Variants in PDGFRA observed in about 807,000 individuals in gnomAD.
PDGFRA encodes platelet derived growth factor receptor alpha, also known as platelet-derived growth factor receptor alpha.
A neutral mutation model predicts 121.5 loss-of-function variants in PDGFRA; 25 were observed. The observed-to-expected ratio is 0.21, with a 90% CI of 0.15 to 0.29. The LOEUF (loss-of-function observed/expected upper bound fraction) is 0.29, where lower values mean the gene tolerates loss of function less well. Among genes scored for constraint, PDGFRA ranks in the 10% least tolerant of loss-of-function variants. The probability of loss-of-function intolerance (pLI) is 1.00; values close to 1 mark genes in which losing one functional copy is unlikely to be tolerated. For missense variants in PDGFRA, 1,008 were observed against 1,345.1 expected (o/e 0.75, Z 3.92); for synonymous variants, 463 against 494.8 (o/e 0.94, Z 0.85).
chr4:54,240,027 T>A (rs753126314), intron 1 of PDGFRA: 132 of 421,072 alleles, frequency 3.1e-4, no homozygotes, highest in Non-Finnish European at 5.1e-4. Flanking sequence ...AATTTTGTAT[T>A]TTTTTTGTAG....
intron 1 of PDGFRA, among the ~76,000 whole-genome samples, chr4:54,254,021 AAT>A: frequency 6.6e-6 from 1 of 152,244 alleles, no homozygotes; most frequent in African/African-American, 2.4e-5. Flanking sequence ...TGTTTCTCAG[AAT>A]TTGTGGCTTC....
chr4:54,248,656 G>T (rs934036274), intron 1 of PDGFRA, among the ~76,000 whole-genome samples: 8 of 152,204 alleles, frequency 5.3e-5, no homozygotes, highest in African/African-American at 1.9e-4. Flanking sequence ...ATAGGGCATG[G>T]GCAAGGACTT....
At chr4:54,293,429 C>CTTTTTTTTTTTTTTTTTTTTTTTTTTTT (rs35064429) in intron 22 of PDGFRA, among the ~76,000 whole-genome samples, 1 of 116,146 alleles carries the variant, frequency 8.6e-6, no homozygotes. Flanking sequence ...CCTAGAATTT[C>CTTTTTTTTTTTTTTTTTTTTTTTTTTTT]TTTTTTTTTT....
Position 54,297,818 on chromosome 4 carries a change from A to G in PDGFRA, c.*2546A>G, listed in dbSNP as rs112690644. On this transcript the variant is annotated 3_prime_UTR_variant, in exon 23 of 23. Transcript: ENST00000257290. ...TTTGTGACTTTTTAAACGATTAGTG[A>G]TGTCCTTAAAATGTGGTCTGCCAAT... is the stretch of plus-strand genomic sequence containing the variant. The G allele has an allele frequency of 6.6e-4, 154 of 233,626 alleles. No homozygotes were observed. Among genetic ancestry groups the G allele is most frequent in the African/African-American group, 3.0e-3 (136 of 45,466 alleles). The allele number at this position is 233,626 out of a possible 1,614,324, so 14.5% of individuals were successfully genotyped here.
intron 1 of PDGFRA, among the ~76,000 whole-genome samples, chr4:54,245,116 A>G (rs1262169510): frequency 6.6e-6 from 1 of 152,254 alleles, no homozygotes; most frequent in Non-Finnish European, 1.5e-5. Flanking sequence ...AGTGACGGGG[A>G]GAATGGAACC....
Position 54,285,912 on chromosome 4 carries a change from T to G in PDGFRA, c.2511T>G (p.Phe837Leu). 6.2e-7 allele frequency: 1 copy of G among 1,614,142 alleles called. No individual in the cohort carries two copies. The change falls in exon 18 of 23, where the codon TTT becomes TTG. Residue 837 changes from phenylalanine (F) to leucine (L), a missense_variant. This residue lies in a region of PDGFRA where 40 missense variants were observed against 127.4 expected (regional missense o/e 0.31). Coordinates refer to ENST00000257290, the MANE Select transcript of PDGFRA (RefSeq NM_006206.6). ...AQGKIVKICD[F>L]GLARDIMHDS... ...GAAAAATTGTGAAGATCTGTGACTT[T>G]GGCCTGGCCAGAGACATCATGCATG...
At chr4:54,293,425 ATTTC>A (rs1394482281) in intron 22 of PDGFRA, among the ~76,000 whole-genome samples, 2 of 102,374 alleles carry the variant, frequency 2.0e-5, no homozygotes, top group Non-Finnish European at 4.1e-5. Flanking sequence ...ATTACCTAGA[ATTTC>A]TTTTTTTTTT....
At chr4:54,293,082 T>TA (rs1406646948) in intron 22 of PDGFRA, among the ~76,000 whole-genome samples, 8 of 152,234 alleles carry the variant, frequency 5.3e-5, no homozygotes, top group Non-Finnish European at 1.0e-4. Context: ...GAGATCCAGA[T>TA]AAGAGTCACA....
intron 1 of PDGFRA, among the ~76,000 whole-genome samples, chr4:54,233,064 CT>C (rs1265793944): frequency 6.6e-6 from 1 of 152,124 alleles, no homozygotes; most frequent in Non-Finnish European, 1.5e-5. Flanking sequence ...GCTCTCCCCC[CT>C]CTCTCCACAC....
intron 2 of PDGFRA, among the ~76,000 whole-genome samples, chr4:54,259,587 G>T (rs891702999): frequency 6.6e-6 from 1 of 152,110 alleles, no homozygotes; most frequent in Non-Finnish European, 1.5e-5. Context: ...GCAGATGTTC[G>T]CCATGAAACC....
chr4:54,285,837 G>A lies in PDGFRA; in HGVS notation c.2440-4G>A, dbSNP rs1161020062. 1 of 1,613,890 alleles carries A rather than the reference G, an allele frequency of 6.2e-7. No homozygotes were observed. Among genetic ancestry groups the A allele is most frequent in the Non-Finnish European group, 8.5e-7 (1 of 1,179,964 alleles). On this transcript the variant is annotated splice_polypyrimidine_tract_variant and splice_region_variant and intron_variant, in intron 17 of 22. Coordinates refer to ENST00000257290, the MANE Select transcript of PDGFRA (RefSeq NM_006206.6). ...CCTGAGTCATTTCTTCCTTTTCCAT[G>A]CAGTGTGTCCACCGTGATCTGGCTG...
intron 1 of PDGFRA, among the ~76,000 whole-genome samples, chr4:54,251,719 A>G (rs767060056): frequency 8.5e-5 from 13 of 152,212 alleles, no homozygotes; most frequent in South Asian, 6.2e-4. Context: ...AGGAGCCCCA[A>G]GTTATCTTGG....
chr4:54,267,387 A>T lies in PDGFRA; in HGVS notation c.858A>T (p.Gly286=). The T allele has an allele frequency of 6.2e-7, 1 of 1,614,164 alleles. No individual in the cohort carries two copies. The highest frequency in any genetic ancestry group is 8.5e-7 in the Non-Finnish European group (1 of 1,179,976). ...TVPEATVKDS[G]DYECAARQAT... ...CCGAGGCCACGGTGAAAGACAGTGG[A>T]GATTACGAATGTGCTGCCCGCCAGG... Residue 286 remains glycine, a synonymous_variant, in exon 6 of 23, where the codon GGA becomes GGT. Coordinates refer to ENST00000257290, the MANE Select transcript of PDGFRA (RefSeq NM_006206.6).
chr4:54,283,892 C>T (rs546964555), intron 16 of PDGFRA, among the ~76,000 whole-genome samples: 7 of 152,286 alleles, frequency 4.6e-5, no homozygotes, highest in South Asian at 4.1e-4. Flanking sequence ...TGAGCCACTG[C>T]GCCCAGCCTC....
chr4:54,282,882 G>A (rs1724143801), intron 16 of PDGFRA, among the ~76,000 whole-genome samples: 1 of 152,230 alleles, frequency 6.6e-6, no homozygotes, highest in Non-Finnish European at 1.5e-5. Flanking sequence ...AAAGAAAGGG[G>A]CTACAAGCCC....
chr4:54,274,809 A>G (rs1296862901), intron 11 of PDGFRA, 32 bp from the exon 12 acceptor site: 9 of 1,613,864 alleles, frequency 5.6e-6, no homozygotes, highest in Non-Finnish European at 7.6e-6. Context: ...GACTTTGGTA[A>G]TTCACCAGTT....
intron 3 of PDGFRA, among the ~76,000 whole-genome samples, 193 bp from the exon 4 acceptor site, chr4:54,263,474 G>T (rs1227628042): frequency 6.6e-6 from 1 of 152,120 alleles, no homozygotes; most frequent in African/African-American, 2.4e-5. Context: ...AGGCAATTTG[G>T]TATTATTCAT....
intron 4 of PDGFRA, 59 bp downstream of exon 4, chr4:54,263,986 C>G (rs761746879): frequency 6.7e-7 from 1 of 1,488,954 alleles, no homozygotes; most frequent in South Asian, 1.2e-5. Flanking sequence ...TCATAAGGTG[C>G]GTGTAGGATT....
chr4:54,258,442 G>A (rs1284758297), intron 1 of PDGFRA, among the ~76,000 whole-genome samples: 1 of 152,004 alleles, frequency 6.6e-6, no homozygotes, highest in Non-Finnish European at 1.5e-5. Flanking sequence ...TTTGGAAGCT[G>A]AGAAAAAATA....
Sources: allele counts gnomAD v4.1 joint callset (sites outside exome capture counted in the v4.1 genomes callset), GRCh38; gene constraint gnomAD v4.1.1; regional missense constraint gnomAD v4.1.1; transcripts MANE v1.5; gene names NCBI Gene and HGNC (gene_info 2026-07-23, HGNC 2026-07-21).